F13A1: variants seen among roughly 807,000 people sequenced by gnomAD.
F13A1 encodes the protein FSF, A subunit.
A neutral mutation model predicts 80.1 loss-of-function variants in F13A1; 47 were observed. That is an observed-to-expected ratio of 0.59 (90% CI 0.46 to 0.75). The LOEUF is 0.75. Among genes scored for constraint, F13A1 ranks in the 30% least tolerant of loss-of-function variants. F13A1 has a pLI of 0.00. For missense variants in F13A1, 817 were observed against 930.4 expected (o/e 0.88, Z 1.59); for synonymous variants, 349 against 344.9 (o/e 1.01, Z -0.13).
In F13A1 at chr6:6,224,704, C is replaced by T; in HGVS notation, c.955G>A (p.Ala319Thr). Residue 319 changes from alanine (A) to threonine (T), a missense_variant, in exon 7 of 15, where the codon GCT becomes ACT. Transcript: ENST00000264870. ...TACTTACATGTGTTAAAGACACCAG[C>T]AAAAACCCAGCATTGGCCATACCGG... ...PVRYGQCWVFAGVFNTFLRCL... is the reference protein window; with the variant it reads ...PVRYGQCWVFTGVFNTFLRCL... The T allele has an allele frequency of 6.2e-7, 1 of 1,614,046 alleles. No homozygotes were observed. Among genetic ancestry groups the T allele is most frequent in the Non-Finnish European group, 8.5e-7 (1 of 1,179,938 alleles).
rs116040910 is a variant in F13A1 at position 6,236,836 on chromosome 6, G to C, written c.798+11476C>G. Among the ~76,000 whole-genome samples the C allele has an allele frequency of 7.7e-3, 1,167 of 152,216 alleles. 16 individuals are homozygous for C. The highest frequency in any genetic ancestry group is 0.026 in the African/African-American group (1,101 of 41,552). ...TGGGTAACACGAACTAACATCAAAG[G>C]CCTAGCGTTAAGTTTGGCAAGGAGA... On this transcript the variant is annotated intron_variant, in intron 6 of 14. Transcript: ENST00000264870.
At chr6:6,309,373 G>A (rs1204564752) in intron 2 of F13A1, among the ~76,000 whole-genome samples, 2 of 152,178 alleles carry the variant, frequency 1.3e-5, no homozygotes, top group African/African-American at 4.8e-5. Context: ...AGAAAATAAG[G>A]AATTTCTCTG....
chr6:6,270,541 A>C (rs1374352633), intron 3 of F13A1, among the ~76,000 whole-genome samples: 1 of 152,224 alleles, frequency 6.6e-6, no homozygotes. Context: ...ACAGGAAATA[A>C]GTTTTATTTC....
intron 13 of F13A1, among the ~76,000 whole-genome samples, chr6:6,153,198 C>T (rs923081305): frequency 1.3e-5 from 2 of 152,154 alleles, no homozygotes; most frequent in African/African-American, 4.8e-5. Flanking sequence ...ACAGCCATTA[C>T]TATTCCATGT....
intron 2 of F13A1, among the ~76,000 whole-genome samples, chr6:6,313,408 G>A (rs1404521708): frequency 1.4e-5 from 1 of 73,690 alleles, no homozygotes; most frequent in Non-Finnish European, 2.6e-5. Flanking sequence ...AAAATGGACT[G>A]TTAAAGAAAA....
chr6:6,167,311 A>ACACTTCTT, intron 13 of F13A1, 147 bp downstream of exon 13: 1 of 931,804 alleles, frequency 1.1e-6, no homozygotes. Flanking sequence ...GAACAAGAGG[A>ACACTTCTT]TCCTAGCACT....
rs1018606190 is a variant in F13A1, at chr6:6,314,495, A to G, written c.130+4040T>C. On this transcript the variant is annotated intron_variant, in intron 2 of 14. Coordinates refer to ENST00000264870, the MANE Select transcript of F13A1 (RefSeq NM_000129.4). ...TTCCCTCTACTGCAAACACTTTTCC[A>G]TGCGCTTGCCTGTCAGGAACACTCA... is the stretch of plus-strand genomic sequence containing the variant. Among the ~76,000 whole-genome samples, 4 of 151,984 alleles carry G rather than the reference A, an allele frequency of 2.6e-5. No individual in the cohort carries two copies. In the East Asian group the frequency reaches 7.7e-4, roughly 29 times the overall value.
intron 10 of F13A1, among the ~76,000 whole-genome samples, chr6:6,183,462 G>A (rs1348248824): frequency 6.6e-6 from 1 of 152,212 alleles, no homozygotes; most frequent in Non-Finnish European, 1.5e-5. Context: ...TTATGCTTTA[G>A]TAAGCATGAT....
intron 3 of F13A1, among the ~76,000 whole-genome samples, chr6:6,303,824 T>A (rs1758471423): frequency 6.6e-6 from 1 of 152,200 alleles, no homozygotes; most frequent in African/African-American, 2.4e-5. Flanking sequence ...ATTTTATAGT[T>A]TTGGTCATGT....
chr6:6,226,883 C>T (rs1757283464), intron 6 of F13A1, among the ~76,000 whole-genome samples: 1 of 151,906 alleles, frequency 6.6e-6, no homozygotes, highest in South Asian at 2.1e-4. Flanking sequence ...GAGTGGGAAC[C>T]TGAGGAAGGG....
intron 6 of F13A1, among the ~76,000 whole-genome samples, chr6:6,237,618 C>A (rs1757430319): frequency 2.0e-5 from 3 of 152,160 alleles, no homozygotes. Flanking sequence ...CTGGTTTCAC[C>A]CTGGGAATCT....
intron 9 of F13A1, 66 bp downstream of exon 9, chr6:6,197,157 G>T: frequency 1.3e-6 from 2 of 1,497,446 alleles, no homozygotes; most frequent in Non-Finnish European, 9.3e-7. Flanking sequence ...CACATCAAAT[G>T]CAAGCATAAA....
chr6:6,183,425 T>A (rs762444147), intron 10 of F13A1, among the ~76,000 whole-genome samples: 1 of 152,206 alleles, frequency 6.6e-6, no homozygotes, highest in Non-Finnish European at 1.5e-5. Context: ...ATGAACAAAA[T>A]AGATTTGGTT....
intron 3 of F13A1, among the ~76,000 whole-genome samples, chr6:6,267,941 C>A (rs1757868286): frequency 6.6e-6 from 1 of 152,158 alleles, no homozygotes; most frequent in South Asian, 2.1e-4. Context: ...TTGTTGGGAA[C>A]ATGGAAAGAA....
At chr6:6,265,146 C>A (rs1757827019) in intron 4 of F13A1, among the ~76,000 whole-genome samples, 2 of 152,158 alleles carry the variant, frequency 1.3e-5, no homozygotes, top group Admixed American at 1.3e-4. Flanking sequence ...TCAGTAGGAC[C>A]AAGGTGTATG....
intron 2 of F13A1, among the ~76,000 whole-genome samples, chr6:6,310,876 A>G (rs943786507): frequency 6.6e-6 from 1 of 152,166 alleles, no homozygotes; most frequent in African/African-American, 2.4e-5. Context: ...GGAAGTCACA[A>G]GGTAAAGAAG....
intron 6 of F13A1, among the ~76,000 whole-genome samples, chr6:6,242,171 T>G (rs1757491785): frequency 6.6e-6 from 1 of 152,206 alleles, no homozygotes; most frequent in South Asian, 2.1e-4. Context: ...TCAGAAGCAC[T>G]AAAGTCCATT....
At chr6:6,188,097 A>G (rs1761113947) in intron 10 of F13A1, among the ~76,000 whole-genome samples, 1 of 151,498 alleles carries the variant, frequency 6.6e-6, no homozygotes, top group Non-Finnish European at 1.5e-5. Context: ...TATTGTGTCT[A>G]TTTGATTCTT....
rs140436011 is a variant in F13A1 at position 6,281,068 on chromosome 6, G to A, written c.320-14259C>T. Among the ~76,000 whole-genome samples the A allele has an allele frequency of 3.4e-3, 521 of 152,224 alleles. 3 individuals are homozygous for A. Among genetic ancestry groups the A allele is most frequent in the African/African-American group, 0.012 (487 of 41,528 alleles). On this transcript the variant is annotated intron_variant, in intron 3 of 14. Coordinates refer to ENST00000264870, the MANE Select transcript of F13A1 (RefSeq NM_000129.4). ...ACATCGCATGGCTCCCCATGAAAAC[G>A]GTCATTTGGCAACTCGTTCTAAGGG...
Sources: allele counts gnomAD v4.1 joint callset (sites outside exome capture counted in the v4.1 genomes callset), GRCh38; gene constraint gnomAD v4.1.1; transcripts MANE v1.5; gene names NCBI Gene and HGNC (gene_info 2026-07-23, HGNC 2026-07-21).